LRFN5: variants seen among roughly 807,000 people sequenced by gnomAD.
The protein encoded by LRFN5 is leucine-rich repeat and fibronectin type-III domain-containing protein 5.
A neutral mutation model predicts 45.6 loss-of-function variants in LRFN5; 24 were observed. The ratio of observed to expected loss-of-function variants is 0.53; its 90% CI spans 0.38 to 0.74. The LOEUF is 0.74. Ranked by LOEUF, LRFN5 falls within the 30% of genes least tolerant of loss-of-function variation. The pLI is 0.00. For synonymous variants in LRFN5, 340 were observed against 313.8 expected (o/e 1.08, Z -0.88); for missense variants, 776 against 861.5 (o/e 0.90, Z 1.24).
chr14:41,795,477 C>G (rs557040056), intron 2 of LRFN5, among the ~76,000 whole-genome samples: 1 of 152,010 alleles, frequency 6.6e-6, no homozygotes, highest in Non-Finnish European at 1.5e-5. Context: ...CACATGCACA[C>G]GTATGTTTAT....
At chr14:41,753,196 GCA>G in intron 1 of LRFN5, among the ~76,000 whole-genome samples, 1 of 150,068 alleles carries the variant, frequency 6.7e-6, no homozygotes, top group Admixed American at 6.6e-5. Context: ...AAGTCAGGTA[GCA>G]TGATGCCTCC....
At chr14:41,876,282 T>C (rs1033596538) in intron 2 of LRFN5, among the ~76,000 whole-genome samples, 4 of 118,308 alleles carry the variant, frequency 3.4e-5, no homozygotes, top group Non-Finnish European at 4.9e-5. Context: ...TCTTTCTTTT[T>C]TTTTTTTTTT....
chr14:41,860,366 C>A (rs1264252051), intron 2 of LRFN5, among the ~76,000 whole-genome samples: 1 of 152,002 alleles, frequency 6.6e-6, no homozygotes, highest in East Asian at 1.9e-4. Flanking sequence ...CCTTTTTAAT[C>A]CAATCTTAGT....
chr14:41,674,486 T>C (rs1473981797), intron 1 of LRFN5, among the ~76,000 whole-genome samples: 12 of 107,820 alleles, frequency 1.1e-4, no homozygotes, highest in East Asian at 3.3e-4. Flanking sequence ...CCGGACGGGG[T>C]GGCTGGCCGG....
chr14:41,673,841 C>T (rs1425750806), intron 1 of LRFN5, among the ~76,000 whole-genome samples: 20 of 145,826 alleles, frequency 1.4e-4, no homozygotes, highest in South Asian at 4.5e-4. Flanking sequence ...GATGGCCGGG[C>T]GGGGGGCTGA....
chr14:41,684,347 A>C (rs937077985), intron 1 of LRFN5, among the ~76,000 whole-genome samples: 1 of 152,188 alleles, frequency 6.6e-6, no homozygotes, highest in African/African-American at 2.4e-5. Context: ...TAACTGACAC[A>C]CAGTTCAGCA....
At chr14:41,733,212 G>A (rs1884258483) in intron 1 of LRFN5, among the ~76,000 whole-genome samples, 1 of 152,014 alleles carries the variant, frequency 6.6e-6, no homozygotes, top group African/African-American at 2.4e-5. Context: ...ATAAATATAA[G>A]CAGCTAAGAA....
intron 1 of LRFN5, among the ~76,000 whole-genome samples, chr14:41,729,395 GC>G (rs1745715825): frequency 6.6e-6 from 1 of 152,004 alleles, no homozygotes; most frequent in African/African-American, 2.4e-5. Context: ...TGCAATAGAA[GC>G]AGATGCCAGC....
chr14:41,733,421 A>T (rs1027468710), intron 1 of LRFN5: 4 of 152,142 alleles, frequency 2.6e-5, no homozygotes, highest in African/African-American at 9.7e-5. Context: ...AAATTAAAAA[A>T]AAAAATATCA....
At chr14:41,862,087 GCTTTAC>G (rs1484265639) in intron 2 of LRFN5, among the ~76,000 whole-genome samples, 2 of 152,272 alleles carry the variant, frequency 1.3e-5, no homozygotes, top group Admixed American at 6.5e-5. Flanking sequence ...GACGTGCCAT[GCTTTAC>G]CTTCCACAGT....
At chr14:41,805,232 A>G (rs1473498530) in intron 2 of LRFN5, among the ~76,000 whole-genome samples, 1 of 151,774 alleles carries the variant, frequency 6.6e-6, no homozygotes, top group African/African-American at 2.4e-5. Context: ...AATATTGGCC[A>G]GACTGGTTAT....
chr14:41,680,236 G>A (rs1420336504), intron 1 of LRFN5, among the ~76,000 whole-genome samples: 1 of 152,196 alleles, frequency 6.6e-6, no homozygotes, highest in Non-Finnish European at 1.5e-5. Context: ...TTTCCCACTT[G>A]CTGATTGTAG....
intron 1 of LRFN5, among the ~76,000 whole-genome samples, chr14:41,675,102 G>C (rs1195042078): frequency 6.6e-6 from 1 of 151,278 alleles, no homozygotes; most frequent in African/African-American, 2.4e-5. Context: ...GGGCAGAGAC[G>C]CTCCTCACTT....
chr14:41,850,912 A>G (rs1314815324), intron 2 of LRFN5, among the ~76,000 whole-genome samples: 1 of 151,852 alleles, frequency 6.6e-6, no homozygotes, highest in Admixed American at 6.6e-5. Flanking sequence ...GTGTTACTGA[A>G]GGATTCCTGA....
chr14:41,777,902 C>A (rs532275269), intron 2 of LRFN5, among the ~76,000 whole-genome samples: 2 of 151,168 alleles, frequency 1.3e-5, no homozygotes, highest in Non-Finnish European at 3.0e-5. Flanking sequence ...ACTAACCAAA[C>A]CTTAATCCTG....
intron 1 of LRFN5, among the ~76,000 whole-genome samples, chr14:41,632,770 G>C (rs1888593341): frequency 6.6e-6 from 1 of 152,092 alleles, no homozygotes; most frequent in African/African-American, 2.4e-5. Flanking sequence ...AATTTTACTA[G>C]TGGTAGAATA....
chr14:41,744,676 G>A (rs1460659061), intron 1 of LRFN5, among the ~76,000 whole-genome samples: 1 of 151,988 alleles, frequency 6.6e-6, no homozygotes, highest in East Asian at 1.9e-4. Context: ...AACACCAATA[G>A]GTTGAAAATG....
In LRFN5 at chr14:41,670,407, C is replaced by G. The variant is rs141886536; in HGVS notation, c.-197+61845C>G. ...ATAGAGATGAGATGAAAACTTTTCA[C>G]TACGTAATTTGTATATGTTTTTGAT... On this transcript the variant is annotated intron_variant, in intron 1 of 5. Transcript: ENST00000298119. Among the ~76,000 whole-genome samples, 5 of 149,282 alleles carry G rather than the reference C, an allele frequency of 3.3e-5. No individual in the cohort carries two copies. In the East Asian group the frequency reaches 9.8e-4, roughly 29 times the overall value.
intron 1 of LRFN5, among the ~76,000 whole-genome samples, chr14:41,688,910 CAAAA>C (rs59803978): frequency 8.0e-5 from 10 of 125,258 alleles, no homozygotes; most frequent in Non-Finnish European, 1.2e-4. Flanking sequence ...CTATTTCTAC[CAAAA>C]AAAAAAAAAA....
Sources: gnomAD v4.1 joint callset for allele counts (sites outside exome capture counted in the v4.1 genomes callset) on GRCh38, gnomAD v4.1.1 for gene constraint, MANE v1.5 for transcripts, NCBI Gene and HGNC (gene_info 2026-07-23, HGNC 2026-07-21) for gene names.